The following DNAJC2 variants were observed in gnomAD, a reference collection of about 807,000 sequenced individuals.
The protein encoded by DNAJC2 is DnaJ heat shock protein family (Hsp40) member C2.
Under a neutral mutation model 94.0 loss-of-function variants are expected in DNAJC2, and 32 were observed. The ratio of observed to expected loss-of-function variants is 0.34; its 90% CI spans 0.26 to 0.46. The LOEUF is 0.46. Ranked by LOEUF, DNAJC2 falls within the 20% of genes least tolerant of loss-of-function variation. The pLI is 1.00. For synonymous variants in DNAJC2, 210 were observed against 229.7 expected, an observed-to-expected ratio of 0.91 and a Z score of 0.77; for missense variants, 550 against 719.5, an observed-to-expected ratio of 0.76 and a Z score of 2.69.
chr7:103,334,408 C>T (rs938166550), intron 3 of DNAJC2, among the ~76,000 whole-genome samples: 5 of 151,346 alleles, frequency 3.3e-5, no homozygotes, highest in African/African-American at 7.3e-5. Context: ...CTAAAAAATA[C>T]GAAAATTAGT....
chr7:103,313,055 A>T lies in DNAJC2; in HGVS notation c.1683T>A (p.Leu561=), dbSNP rs1300243730. 1 of 1,613,986 alleles carries T rather than the reference A, an allele frequency of 6.2e-7. No individual in the cohort carries two copies. Among genetic ancestry groups the T allele is most frequent in the African/African-American group, 1.3e-5 (1 of 75,038 alleles). ...FTPWTTEEQK[L]LEQALKTYPV... The stretch of plus-strand genomic sequence containing the variant: ...GGTATGTTTTCAAAGCTTGTTCCAA[A>T]AGCTTCTGTTCTTCTGTTGTCCAAG... The change falls in exon 16 of 17, where the codon CTT becomes CTA. Residue 561 remains leucine (L), a synonymous_variant. Coordinates refer to ENST00000379263, the MANE Select transcript of DNAJC2 (RefSeq NM_014377.3).
At chr7:103,335,798 G>C (rs1819148622) in intron 3 of DNAJC2, 2 of 152,226 alleles carry the variant, frequency 1.3e-5, no homozygotes, top group African/African-American at 4.8e-5. Context: ...GCCTGCCTTG[G>C]TCTTCCAAAG....
chr7:103,315,353 A>G (rs1426178172), intron 15 of DNAJC2, among the ~76,000 whole-genome samples: 1 of 152,160 alleles, frequency 6.6e-6, no homozygotes, highest in Non-Finnish European at 1.5e-5. Flanking sequence ...CATACTTTGA[A>G]CCATAAGTTA....
At chr7:103,327,115 A>T (rs1463269809) in intron 4 of DNAJC2, among the ~76,000 whole-genome samples, 1 of 152,218 alleles carries the variant, frequency 6.6e-6, no homozygotes, top group African/African-American at 2.4e-5. Flanking sequence ...AATCACATTT[A>T]AGGAAACATT....
chr7:103,317,024 T>C lies in DNAJC2; in HGVS notation c.1243-10A>G, dbSNP rs1818101376. 1 of 1,610,490 alleles carries C rather than the reference T, an allele frequency of 6.2e-7. No individual in the cohort carries two copies. Among genetic ancestry groups the C allele is most frequent in the East Asian group, 2.2e-5 (1 of 44,874 alleles). On this transcript the variant is annotated splice_polypyrimidine_tract_variant and intron_variant, in intron 12 of 16. Transcript: ENST00000379263. ...CATTTATTTCTTCTATCTGCACAAA[T>C]ATCATAAGTCAGGGACTTAGAAGTA...
At chr7:103,320,286 C>G (rs1285370266) in intron 10 of DNAJC2, among the ~76,000 whole-genome samples, 2 of 151,572 alleles carry the variant, frequency 1.3e-5, no homozygotes, top group Admixed American at 6.6e-5. Flanking sequence ...GACGGGGTTT[C>G]ACCATTTTGG....
At chr7:103,343,530 G>A (rs1819472198) in intron 1 of DNAJC2, among the ~76,000 whole-genome samples, 1 of 152,176 alleles carries the variant, frequency 6.6e-6, no homozygotes, top group African/African-American at 2.4e-5. Context: ...GTCTTCACCT[G>A]TAAAATGGGA....
chr7:103,321,946 G>A lies in DNAJC2; in HGVS notation c.1069C>T (p.Arg357Ter). The A allele has an allele frequency of 2.5e-6, 4 of 1,613,126 alleles. No individual in the cohort carries two copies. The highest frequency in any genetic ancestry group is 1.7e-6 in the Non-Finnish European group (2 of 1,179,428). ...GTCTGATATACCTTGCATGAGTTTC[G>A]AAGTTTTTGCCTTTCCTTCTTAATG... ...KAIKKERQKLRNSCKTWNHFS... is the reference protein window; with the variant it reads ...KAIKKERQKL The change falls in exon 10 of 17, where the codon CGA becomes TGA. Residue 357 changes from arginine (R) to a stop codon, truncating the protein, a stop_gained. Transcript: ENST00000379263. LOFTEE classifies it high-confidence loss of function.
Position 103,316,873 on chromosome 7 carries a change from G to T in DNAJC2, c.1384C>A (p.Leu462Ile). 2 of 1,613,928 alleles carry T rather than the reference G, an allele frequency of 1.2e-6. No individual in the cohort carries two copies. The highest frequency in any genetic ancestry group is 1.7e-6 in the Non-Finnish European group (2 of 1,179,986). The change falls in exon 13 of 17, where the codon CTA (leucine) becomes ATA (isoleucine). Residue 462 changes from leucine to isoleucine, a missense_variant. This residue lies in a region of DNAJC2 where 271 missense variants were observed against 302.6 expected (regional missense o/e 0.90). Coordinates refer to ENST00000379263, the MANE Select transcript of DNAJC2 (RefSeq NM_014377.3). ...KNWSEDDLQL[L>I]IKAVNLFPAG... is the part of the protein sequence containing the mutation. ...GGGAACAGATTCACAGCTTTAATTA[G>T]TAATTGTAGATCATCTTCTGACCAA...
At chr7:103,324,139 G>T (rs1003289997) in intron 6 of DNAJC2, among the ~76,000 whole-genome samples, 3 of 152,222 alleles carry the variant, frequency 2.0e-5, no homozygotes, top group Non-Finnish European at 4.4e-5. Context: ...TAACTATTGC[G>T]CATATTAAAA....
chr7:103,317,734 T>A (rs931188014), intron 12 of DNAJC2, among the ~76,000 whole-genome samples: 1 of 152,170 alleles, frequency 6.6e-6, no homozygotes, highest in Non-Finnish European at 1.5e-5. Context: ...TACTGCAACC[T>A]CCGCCTCCTA....
chr7:103,342,866 C>T (rs1434969570), intron 1 of DNAJC2, among the ~76,000 whole-genome samples: 1 of 152,024 alleles, frequency 6.6e-6, no homozygotes, highest in Non-Finnish European at 1.5e-5. Flanking sequence ...CCTCGGCCTG[C>T]CAAAATGCTG....
chr7:103,330,795 T>A (rs1213273495), intron 3 of DNAJC2, among the ~76,000 whole-genome samples: 3 of 151,338 alleles, frequency 2.0e-5, no homozygotes, highest in African/African-American at 7.3e-5. Flanking sequence ...TTGGCCAGGC[T>A]GGTCTTGAAC....
chr7:103,312,854 TA>T (rs1302022752), intron 16 of DNAJC2, 92 bp downstream of exon 16: 16 of 1,534,898 alleles, frequency 1.0e-5, no homozygotes, highest in Non-Finnish European at 1.0e-5. Flanking sequence ...ATAAGCACTA[TA>T]TTATTAACCA....
At chr7:103,320,762 C>CAT (rs71519145) in intron 10 of DNAJC2, 1,967 of 135,846 alleles carry the variant, frequency 0.014, 14 homozygotes, top group Non-Finnish European at 0.021. Context: ...TATATATACA[C>CAT]ATATATATAT....
intron 3 of DNAJC2, among the ~76,000 whole-genome samples, chr7:103,335,023 G>A (rs1199734988): frequency 8.6e-5 from 13 of 151,808 alleles, no homozygotes; most frequent in Admixed American, 6.6e-4. Context: ...TAGTAGAGAC[G>A]GGGTTTCGCC....
chr7:103,331,946 G>GA (rs1414511761), intron 3 of DNAJC2, among the ~76,000 whole-genome samples: 2 of 151,820 alleles, frequency 1.3e-5, no homozygotes, highest in Non-Finnish European at 2.9e-5. Flanking sequence ...TTTGCACAGT[G>GA]GCTATGCTAA....
chr7:103,342,047 CA>C (rs1300451442), intron 1 of DNAJC2, 93 bp from the exon 2 acceptor site: 81 of 973,348 alleles, frequency 8.3e-5, no homozygotes, highest in Non-Finnish European at 1.0e-5. Flanking sequence ...AAAATCAAAA[CA>C]GTGATACCAG....
chr7:103,343,092 C>A (rs765995707), intron 1 of DNAJC2, among the ~76,000 whole-genome samples: 1 of 151,992 alleles, frequency 6.6e-6, no homozygotes, highest in South Asian at 2.1e-4. Flanking sequence ...CTCCGCCTCC[C>A]GGGTTCAAAC....
Sources: allele counts gnomAD v4.1 joint callset (sites outside exome capture counted in the v4.1 genomes callset), GRCh38; gene constraint gnomAD v4.1.1; regional missense constraint gnomAD v4.1.1; transcripts MANE v1.5; gene names NCBI Gene and HGNC (gene_info 2026-07-23, HGNC 2026-07-21).